NUDT21: variants seen among roughly 807,000 people sequenced by gnomAD.
The protein encoded by NUDT21 is nudix hydrolase 21, also known as cleavage and polyadenylation specificity factor subunit 5.
Under a neutral mutation model 29.8 loss-of-function variants are expected in NUDT21, and 5 were observed. The observed-to-expected ratio is 0.17, with a 90% CI of 0.09 to 0.35. NUDT21 has a LOEUF of 0.35. Ranked by LOEUF, NUDT21 falls within the 10% of genes least tolerant of loss-of-function variation. NUDT21 has a pLI of 1.00. For synonymous variants in NUDT21, 113 were observed against 98.5 expected (o/e 1.15, Z -0.87); for missense variants, 76 against 276.0 (o/e 0.28, Z 5.13).
chr16:56,447,817 G>A lies in NUDT21; in HGVS notation c.289C>T (p.Leu97=). Residue 97 remains leucine (L), a synonymous_variant, in exon 2 of 7, where the codon CTG becomes TTG. Transcript: ENST00000300291. The stretch of plus-strand genomic sequence containing the variant: ...TTGAAGAAAGTTGTTCCCAGCTGCA[G>A]CAGTAACACATGGGGTAGCCGGTGC... ...HEHRLPHVLL[L]QLGTTFFKLP... 1 of 1,614,100 alleles carries A rather than the reference G, an allele frequency of 6.2e-7. No homozygotes were observed. Among genetic ancestry groups the A allele is most frequent in the Non-Finnish European group, 8.5e-7 (1 of 1,179,952 alleles).
At chr16:56,444,292 A>G (rs189905101) in intron 3 of NUDT21, among the ~76,000 whole-genome samples, 95 of 152,192 alleles carry the variant, frequency 6.2e-4, no homozygotes, top group Non-Finnish European at 2.8e-4. Context: ...TCTAAAAAAA[A>G]TAAGTAAGCC....
chr16:56,439,807 C>T, intron 3 of NUDT21, 61 bp from the exon 4 acceptor site: 1 of 1,319,884 alleles, frequency 7.6e-7, no homozygotes, highest in Non-Finnish European at 1.1e-6. Context: ...TCCCCTTCTT[C>T]AGTGAACAGA....
chr16:56,444,243 C>T (rs1962191291), intron 3 of NUDT21, among the ~76,000 whole-genome samples: 1 of 151,856 alleles, frequency 6.6e-6, no homozygotes, highest in Admixed American at 6.6e-5. Context: ...ATGATCACAC[C>T]ACCATCCTCC....
At chr16:56,434,948 C>A in intron 4 of NUDT21, 119 bp from the exon 5 acceptor site, 1 of 632,452 alleles carries the variant, frequency 1.6e-6, no homozygotes, top group Non-Finnish European at 2.8e-6. Flanking sequence ...GTCCTCTTTA[C>A]CAGGACTTAT....
intron 4 of NUDT21, among the ~76,000 whole-genome samples, chr16:56,436,746 T>G (rs1217952531): frequency 3.9e-5 from 6 of 152,248 alleles, no homozygotes; most frequent in Non-Finnish European, 1.5e-5. Context: ...TTAAGTTGAC[T>G]GTACTTTATA....
chr16:56,435,646 A>T (rs1485237751), intron 4 of NUDT21, among the ~76,000 whole-genome samples: 1 of 143,926 alleles, frequency 6.9e-6, no homozygotes, highest in East Asian at 2.1e-4. Context: ...GAATGGCGTG[A>T]ACCTGGGAGG....
intron 4 of NUDT21, among the ~76,000 whole-genome samples, chr16:56,438,936 A>C (rs1185863167): frequency 6.6e-6 from 1 of 152,230 alleles, no homozygotes; most frequent in African/African-American, 2.4e-5. Context: ...GTTTATTTTT[A>C]GTATGATAAT....
intron 1 of NUDT21, among the ~76,000 whole-genome samples, chr16:56,449,822 C>T (rs1055976235): frequency 6.6e-6 from 1 of 151,988 alleles, no homozygotes; most frequent in African/African-American, 2.4e-5. Flanking sequence ...CTATGTTGCC[C>T]AGACTGATCT....
chr16:56,447,038 G>A (rs1484791349), intron 2 of NUDT21: 2 of 188,272 alleles, frequency 1.1e-5, no homozygotes, highest in Non-Finnish European at 2.2e-5. Flanking sequence ...CATCCAATAG[G>A]AAGTATTTCA....
In NUDT21 at chr16:56,434,454, A is replaced by C. The variant is rs752260948; in HGVS notation, c.548-9T>G. ...AGGGACTGCAAACAAGGCTAAAATA[A>C]AACAGAATTCATTATTATAAGTTAT... On this transcript the variant is annotated splice_polypyrimidine_tract_variant and intron_variant, in intron 5 of 6. Coordinates refer to ENST00000300291, the MANE Select transcript of NUDT21 (RefSeq NM_007006.3). 1 of 1,483,298 alleles carries C rather than the reference A, an allele frequency of 6.7e-7. No homozygotes were observed. Among genetic ancestry groups the C allele is most frequent in the Non-Finnish European group, 9.4e-7 (1 of 1,062,866 alleles). 91.9% of individuals were successfully genotyped at this position (1,483,298 alleles called of 1,614,324 possible).
intron 4 of NUDT21, chr16:56,439,035 A>T (rs1360739434): frequency 9.2e-5 from 14 of 152,378 alleles, no homozygotes; most frequent in Non-Finnish European, 1.5e-5. Flanking sequence ...GCTAGGATAC[A>T]CTTCAAAATA....
At chr16:56,435,888 T>C (rs1962099104) in intron 4 of NUDT21, among the ~76,000 whole-genome samples, 1 of 144,896 alleles carries the variant, frequency 6.9e-6, no homozygotes, top group African/African-American at 2.5e-5. Flanking sequence ...TGCTCCTCCT[T>C]CCAGCCCCAA....
At chr16:56,446,047 C>G (rs1962214127) in intron 3 of NUDT21, among the ~76,000 whole-genome samples, 2 of 152,168 alleles carry the variant, frequency 1.3e-5, no homozygotes, top group Non-Finnish European at 2.9e-5. Context: ...AAGAAGAAAA[C>G]TAACATTGAA....
At chr16:56,433,485 A>G (rs948685809) in intron 6 of NUDT21, among the ~76,000 whole-genome samples, 1 of 152,160 alleles carries the variant, frequency 6.6e-6, no homozygotes, top group African/African-American at 2.4e-5. Flanking sequence ...TGCAATTCCT[A>G]TATATGGCTG....
intron 4 of NUDT21, chr16:56,435,358 C>T (rs980361192): frequency 2.0e-5 from 3 of 152,460 alleles, no homozygotes; most frequent in Non-Finnish European, 4.4e-5. Context: ...AGGTGATCCA[C>T]CTGCTCTGGC....
intron 3 of NUDT21, among the ~76,000 whole-genome samples, chr16:56,440,139 C>T (rs1007953524): frequency 1.3e-5 from 2 of 152,228 alleles, no homozygotes; most frequent in Admixed American, 6.5e-5. Flanking sequence ...TAACTTTCAA[C>T]TCTTGGTTGT....
At chr16:56,441,735 C>T (rs371771643) in intron 3 of NUDT21, among the ~76,000 whole-genome samples, 1 of 152,114 alleles carries the variant, frequency 6.6e-6, no homozygotes, top group Non-Finnish European at 1.5e-5. Flanking sequence ...ATTAGCAAAC[C>T]GTATCTCCTT....
intron 4 of NUDT21, among the ~76,000 whole-genome samples, chr16:56,436,301 C>T (rs2143934997): frequency 6.6e-6 from 1 of 152,236 alleles, no homozygotes; most frequent in Admixed American, 6.5e-5. Flanking sequence ...CCTCAATTTA[C>T]ACAGAATCAC....
intron 4 of NUDT21, among the ~76,000 whole-genome samples, chr16:56,435,618 C>T (rs1237013390): frequency 2.1e-5 from 3 of 144,632 alleles, no homozygotes; most frequent in East Asian, 2.1e-4. Context: ...CCCAGCTACT[C>T]GGGAGGCTGA....
Sources: allele counts gnomAD v4.1 joint callset (sites outside exome capture counted in the v4.1 genomes callset), GRCh38; gene constraint gnomAD v4.1.1; transcripts MANE v1.5; gene names NCBI Gene and HGNC (gene_info 2026-07-23, HGNC 2026-07-21).